Variants in LEMD3 observed in about 807,000 individuals in gnomAD.
The protein encoded by LEMD3 is inner nuclear membrane protein Man1.
In LEMD3, 33 loss-of-function variants were observed where a neutral mutation model predicts 95.2. The ratio of observed to expected loss-of-function variants is 0.35; its 90% confidence interval spans 0.26 to 0.46. The LOEUF (loss-of-function observed/expected upper bound fraction) is 0.46. Among genes scored for constraint, LEMD3 ranks in the 20% least tolerant of loss-of-function variants. LEMD3 has a pLI of 1.00. For missense variants in LEMD3, 1,210 were observed against 1,192.8 expected (o/e 1.01, Z -0.21); for synonymous variants, 525 against 474.6 (o/e 1.11, Z -1.38).
At chr12:65,196,241 A>G (rs1023751541) in intron 1 of LEMD3, among the ~76,000 whole-genome samples, 5 of 152,096 alleles carry the variant, frequency 3.3e-5, no homozygotes, top group Admixed American at 2.0e-4. Flanking sequence ...AATTAAAAAA[A>G]AAATCAACTG....
chr12:65,202,011 CT>C (rs534109719), intron 1 of LEMD3, among the ~76,000 whole-genome samples: 5,032 of 131,606 alleles, frequency 0.038, 252 homozygotes, highest in African/African-American at 0.13. Flanking sequence ...GGGTATTGAA[CT>C]TTTTTTTTTT....
chr12:65,229,423 G>C lies in LEMD3; in HGVS notation c.1696-9079G>C, dbSNP rs192140083. On this transcript the variant is annotated intron_variant, in intron 4 of 12. Coordinates refer to ENST00000308330, the MANE Select transcript of LEMD3 (RefSeq NM_014319.5). ...AGTAGTGAGATTGCTGGATCATATG[G>C]TGGTTCTATTTTTAATTTTTTGAGG... Among the ~76,000 whole-genome samples the C allele has an allele frequency of 3.7e-3, 563 of 152,170 alleles. 3 individuals are homozygous for C. The highest frequency in any genetic ancestry group is 0.013 in the African/African-American group (539 of 41,530).
In LEMD3 at chr12:65,245,747, C is replaced by T. The variant is rs773539826; in HGVS notation, c.2466C>T (p.His822=). Residue 822 remains histidine (H), a synonymous_variant, in exon 11 of 13, where the codon CAC becomes CAT. Coordinates refer to ENST00000308330, the MANE Select transcript of LEMD3 (RefSeq NM_014319.5). ...EKCSDNDGIV[H]IAVDKNSREG... ...GCAGTGATAATGATGGCATTGTTCA[C>T]ATTGCAGTAGACAAAAATTCACGTG... The T allele has an allele frequency of 1.9e-6, 3 of 1,613,706 alleles. No homozygotes were observed. The highest frequency in any genetic ancestry group is 3.3e-5 in the Admixed American group (2 of 60,010).
In LEMD3 at chr12:65,170,936, C is replaced by G. The variant is rs762333334; in HGVS notation, c.1340C>G (p.Ser447Cys). The G allele has an allele frequency of 6.2e-7, 1 of 1,614,212 alleles. No individual in the cohort carries two copies. Among genetic ancestry groups the G allele is most frequent in the African/African-American group, 1.3e-5 (1 of 75,036 alleles). Residue 447 changes from serine to cysteine, a missense_variant, in exon 1 of 13, where the codon TCC (serine) becomes TGC (cysteine). Ser to Cys is a moderately radical substitution (Grantham distance 112). Around this residue, in one of 2 missense-constraint regions of LEMD3, gnomAD observed 749 missense variants for 622.9 expected, o/e 1.20. Coordinates refer to ENST00000308330, the MANE Select transcript of LEMD3 (RefSeq NM_014319.5). ...LKNTYNKPKL[S>C]EPEEELLQQF... Reference sequence around the variant, plus strand: ...AACACATACAACAAACCGAAGCTTTCCGAACCCGAAGAGGAACTTCTCCAG... The same window carrying G: ...AACACATACAACAAACCGAAGCTTTGCGAACCCGAAGAGGAACTTCTCCAG...
chr12:65,199,871 C>T (rs1869541406), intron 1 of LEMD3, among the ~76,000 whole-genome samples: 1 of 151,940 alleles, frequency 6.6e-6, no homozygotes. Flanking sequence ...GTTGGCTGTA[C>T]CATTTTGCAT....
chr12:65,178,768 T>G (rs970113151), intron 1 of LEMD3, among the ~76,000 whole-genome samples: 2 of 152,188 alleles, frequency 1.3e-5, no homozygotes, highest in Non-Finnish European at 2.9e-5. Context: ...GCGGCAGTAT[T>G]TGAACTCAGA....
chr12:65,195,404 A>G (rs1869399301), intron 1 of LEMD3, among the ~76,000 whole-genome samples: 1 of 152,172 alleles, frequency 6.6e-6, no homozygotes, highest in African/African-American at 2.4e-5. Context: ...TTATTAAAAA[A>G]AAAAATAGCT....
At chr12:65,212,427 C>T (rs1869967403) in intron 2 of LEMD3, among the ~76,000 whole-genome samples, 2 of 151,680 alleles carry the variant, frequency 1.3e-5, no homozygotes, top group Non-Finnish European at 2.9e-5. Context: ...GTCCCAGCTA[C>T]TCGGGAGGCT....
Position 65,246,857 on chromosome 12 carries a change from A to G in LEMD3, c.*532A>G, listed in dbSNP as rs545023029. On this transcript the variant is annotated 3_prime_UTR_variant, in exon 13 of 13. Coordinates refer to ENST00000308330, the MANE Select transcript of LEMD3 (RefSeq NM_014319.5). ...AATTAATTTGGGCTTAGTGGTTACA[A>G]ATATGTGTAAGTGGATGTATATGTA... 6.3e-6 allele frequency: 1 copy of G among 159,124 alleles called. No individual in the cohort carries two copies. The highest frequency in any genetic ancestry group is 1.9e-4 in the South Asian group (1 of 5,326). 9.9% of individuals were successfully genotyped at this position (159,124 alleles called of 1,614,324 possible).
chr12:65,247,032 G>T lies in LEMD3; in HGVS notation c.*707G>T, dbSNP rs1027833611. On this transcript the variant is annotated 3_prime_UTR_variant, in exon 13 of 13. Coordinates refer to ENST00000308330, the MANE Select transcript of LEMD3 (RefSeq NM_014319.5). Reference sequence around the variant, plus strand: ...TATATATGTATGTGTGTATGTGTGTGTATATATAGATGTATATATATACAC... The same window carrying T: ...TATATATGTATGTGTGTATGTGTGTTTATATATAGATGTATATATATACAC... 1 of 152,568 alleles carries T rather than the reference G, an allele frequency of 6.6e-6. No individual in the cohort carries two copies. The highest frequency in any genetic ancestry group is 1.5e-5 in the Non-Finnish European group (1 of 68,124). The allele number at this position is 152,568 out of a possible 1,614,324, so 9.5% of individuals were successfully genotyped here. A position where few individuals can be genotyped will look rare whatever the true frequency, so the allele number is the denominator to read the frequency against.
chr12:65,176,207 G>C (rs1227911619), intron 1 of LEMD3, among the ~76,000 whole-genome samples: 2 of 152,146 alleles, frequency 1.3e-5, no homozygotes, highest in African/African-American at 4.8e-5. Flanking sequence ...TTACACAATG[G>C]CTTTCTCTTA....
At chr12:65,221,730 A>C (rs1400589111) in intron 4 of LEMD3, among the ~76,000 whole-genome samples, 1 of 140,846 alleles carries the variant, frequency 7.1e-6, no homozygotes, top group African/African-American at 2.7e-5. Context: ...TTAGAGGAAA[A>C]TCTCTCTTTT....
Position 65,216,035 on chromosome 12 carries a change from A to G in LEMD3, c.1619A>G (p.Gln540Arg). The G allele has an allele frequency of 6.3e-7, 1 of 1,591,086 alleles. No homozygotes were observed. Among genetic ancestry groups the G allele is most frequent in the Non-Finnish European group, 8.6e-7 (1 of 1,161,096 alleles). ...TATAAGCTTCATGATCGATTGGCAC[A>G]GCTTGCAGGTAATTGTTTTAACTTT... ...TLYKLHDRLA[Q>R]LAGDHECGSS... The change falls in exon 3 of 13, where the codon CAG (glutamine) becomes CGG (arginine). Residue 540 changes from glutamine to arginine, a missense_variant. Physicochemically the swap from Gln to Arg is conservative, Grantham distance 43 (BLOSUM62 1). Coordinates refer to ENST00000308330, the MANE Select transcript of LEMD3 (RefSeq NM_014319.5).
intron 1 of LEMD3, among the ~76,000 whole-genome samples, chr12:65,189,499 TC>T (rs1487681838): frequency 1.3e-5 from 2 of 152,192 alleles, no homozygotes; most frequent in Non-Finnish European, 2.9e-5. Flanking sequence ...GGCCCATTCA[TC>T]AGCAGGGATG....
intron 1 of LEMD3, among the ~76,000 whole-genome samples, chr12:65,177,594 C>A (rs559850309): frequency 6.6e-6 from 1 of 151,842 alleles, no homozygotes; most frequent in Non-Finnish European, 1.5e-5. Context: ...AGATGAGAGA[C>A]TGGTGCTGAA....
At chr12:65,223,664 TTTAA>T (rs200170631) in intron 4 of LEMD3, among the ~76,000 whole-genome samples, 1 of 152,142 alleles carries the variant, frequency 6.6e-6, no homozygotes, top group East Asian at 1.9e-4. Context: ...AGCTTTTTTT[TTTAA>T]TTATTCATTC....
At chr12:65,219,543 C>T (rs1189247263) in intron 4 of LEMD3, among the ~76,000 whole-genome samples, 2 of 152,168 alleles carry the variant, frequency 1.3e-5, no homozygotes, top group East Asian at 3.8e-4. Context: ...AAATTTCATG[C>T]CTCCCATCCC....
intron 3 of LEMD3, among the ~76,000 whole-genome samples, chr12:65,216,244 T>C (rs1387650133): frequency 6.6e-6 from 1 of 151,828 alleles, no homozygotes; most frequent in African/African-American, 2.4e-5. Context: ...CCATCTGTAT[T>C]AGAGGTAATA....
At chr12:65,187,744 CA>C (rs1211444236) in intron 1 of LEMD3, among the ~76,000 whole-genome samples, 1 of 151,998 alleles carries the variant, frequency 6.6e-6, no homozygotes, top group African/African-American at 2.4e-5. Flanking sequence ...TGCATTTTTG[CA>C]GGGTGAGGGT....
Sources: gnomAD v4.1 joint callset for allele counts (sites outside exome capture counted in the v4.1 genomes callset) on GRCh38, gnomAD v4.1.1 for gene constraint, gnomAD v4.1.1 regional missense constraint, MANE v1.5 for transcripts, NCBI Gene and HGNC (gene_info 2026-07-23, HGNC 2026-07-21) for gene names.